The following ZCCHC17 variants were observed in gnomAD, a reference collection of about 807,000 sequenced individuals.
ZCCHC17 encodes zinc finger CCHC-type containing 17.
ZCCHC17 carries 18 observed loss-of-function variants against 30.6 expected under a neutral mutation model. The ratio of observed to expected loss-of-function variants is 0.59; its 90% confidence interval spans 0.41 to 0.87. The LOEUF (loss-of-function observed/expected upper bound fraction) is 0.87, where lower values mean the gene tolerates loss of function less well. Ranked by LOEUF, ZCCHC17 falls within the 40% of genes least tolerant of loss-of-function variation. The pLI is 0.00. For synonymous variants in ZCCHC17, 88 were observed against 92.4 expected, an observed-to-expected ratio of 0.95 and a Z score of 0.27; for missense variants, 263 against 284.2, an observed-to-expected ratio of 0.93 and a Z score of 0.54.
At chr1:31,308,880 A>G (rs1331433046) in intron 1 of ZCCHC17, among the ~76,000 whole-genome samples, 3 of 152,198 alleles carry the variant, frequency 2.0e-5, no homozygotes, top group Admixed American at 6.5e-5. Flanking sequence ...ACATCCAACA[A>G]TGGATTATTA....
At chr1:31,332,910 C>T (rs1638646306) in intron 3 of ZCCHC17, among the ~76,000 whole-genome samples, 1 of 152,122 alleles carries the variant, frequency 6.6e-6, no homozygotes, top group Admixed American at 6.5e-5. Flanking sequence ...GCATGAGCCA[C>T]CGCGCTTGGC....
chr1:31,329,528 T>G (rs1209114306), intron 3 of ZCCHC17, among the ~76,000 whole-genome samples: 1 of 152,150 alleles, frequency 6.6e-6, no homozygotes, highest in African/African-American at 2.4e-5. Context: ...TTAGCTTTTT[T>G]GGTGGGAACA....
At chr1:31,328,117 C>T (rs867716927) in intron 3 of ZCCHC17, among the ~76,000 whole-genome samples, 1 of 152,100 alleles carries the variant, frequency 6.6e-6, no homozygotes, top group South Asian at 2.1e-4. Flanking sequence ...GTTTTGCTGT[C>T]GAATTTCTAA....
intron 1 of ZCCHC17, among the ~76,000 whole-genome samples, chr1:31,297,621 C>A (rs1362205808): frequency 6.6e-6 from 1 of 152,206 alleles, no homozygotes; most frequent in Non-Finnish European, 1.5e-5. Flanking sequence ...ACGGTCCCTA[C>A]TCTCAGGGCG....
intron 7 of ZCCHC17, among the ~76,000 whole-genome samples, chr1:31,350,031 A>C (rs1639413785): frequency 6.6e-6 from 1 of 152,196 alleles, no homozygotes; most frequent in East Asian, 1.9e-4. Flanking sequence ...GTCTCACTGA[A>C]TTCCATCTCC....
chr1:31,312,732 T>G (rs1646634666), intron 2 of ZCCHC17, among the ~76,000 whole-genome samples: 1 of 152,178 alleles, frequency 6.6e-6, no homozygotes, highest in Non-Finnish European at 1.5e-5. Flanking sequence ...AAAAAATTGT[T>G]TTCAGTGTCT....
intron 2 of ZCCHC17, 128 bp from the exon 3 acceptor site, chr1:31,318,980 AT>A: frequency 9.3e-7 from 1 of 1,075,446 alleles, no homozygotes; most frequent in South Asian, 2.2e-5. Flanking sequence ...ACAGAGCATC[AT>A]TTTTAGGCAG....
intron 3 of ZCCHC17, among the ~76,000 whole-genome samples, chr1:31,334,638 A>G (rs927785784): frequency 6.6e-6 from 1 of 152,184 alleles, no homozygotes; most frequent in Non-Finnish European, 1.5e-5. Flanking sequence ...AAATGTTTTT[A>G]AAGCATTTGT....
intron 7 of ZCCHC17, among the ~76,000 whole-genome samples, chr1:31,360,459 G>A (rs1256915150): frequency 2.0e-5 from 3 of 152,332 alleles, no homozygotes; most frequent in East Asian, 1.9e-4. Context: ...GTGAGCCACC[G>A]CAACCAGGCG....
chr1:31,317,467 T>C (rs1646764183), intron 2 of ZCCHC17, among the ~76,000 whole-genome samples: 1 of 152,202 alleles, frequency 6.6e-6, no homozygotes, highest in African/African-American at 2.4e-5. Flanking sequence ...TCACTTTATG[T>C]ACATCATTTG....
intron 7 of ZCCHC17, among the ~76,000 whole-genome samples, chr1:31,349,264 A>G (rs983944310): frequency 6.6e-6 from 1 of 152,244 alleles, no homozygotes; most frequent in Non-Finnish European, 1.5e-5. Context: ...AATTTTAGAA[A>G]TACTGAAAAA....
chr1:31,308,621 AT>A (rs1343064783), intron 1 of ZCCHC17, among the ~76,000 whole-genome samples: 1 of 152,230 alleles, frequency 6.6e-6, no homozygotes, highest in African/African-American at 2.4e-5. Context: ...CTTGGCAGTG[AT>A]TTATCCAACA....
chr1:31,299,070 T>C (rs1381815207), intron 1 of ZCCHC17, among the ~76,000 whole-genome samples: 1 of 152,188 alleles, frequency 6.6e-6, no homozygotes, highest in Admixed American at 6.5e-5. Context: ...AAGAGTTATT[T>C]TGTTGGTGTG....
At chr1:31,347,099 G>T (rs1639303559) in intron 6 of ZCCHC17, among the ~76,000 whole-genome samples, 1 of 152,110 alleles carries the variant, frequency 6.6e-6, no homozygotes, top group Non-Finnish European at 1.5e-5. Flanking sequence ...CAAAAATTAA[G>T]CAACTTAGAC....
At chr1:31,359,354 TA>T (rs1437250546) in intron 7 of ZCCHC17, among the ~76,000 whole-genome samples, 1 of 150,248 alleles carries the variant, frequency 6.7e-6, no homozygotes, top group African/African-American at 2.4e-5. Flanking sequence ...CGACTCTAGT[TA>T]AAAAAAAATA....
chr1:31,327,908 G>A (rs986589557), intron 3 of ZCCHC17, among the ~76,000 whole-genome samples: 1 of 152,110 alleles, frequency 6.6e-6, no homozygotes, highest in Non-Finnish European at 1.5e-5. Context: ...TACTGTAATG[G>A]GATGATTAAT....
intron 3 of ZCCHC17, among the ~76,000 whole-genome samples, chr1:31,336,881 C>T (rs10914357): frequency 0.21 from 31,374 of 150,778 alleles, 3,627 homozygotes; most frequent in African/African-American, 0.3. Context: ...GGCATGTTTC[C>T]CAGGCTGGTC....
chr1:31,298,587 A>G (rs1646230449), intron 1 of ZCCHC17, among the ~76,000 whole-genome samples: 1 of 152,020 alleles, frequency 6.6e-6, no homozygotes, highest in African/African-American at 2.4e-5. Context: ...GTTCCACCAT[A>G]TTGGCCAGGC....
chr1:31,354,074 C>A (rs932443293), intron 7 of ZCCHC17, among the ~76,000 whole-genome samples: 4 of 152,190 alleles, frequency 2.6e-5, no homozygotes, highest in Admixed American at 6.5e-5. Flanking sequence ...ATCTTCCAAT[C>A]CATGAAAATT....
Sources: gnomAD v4.1 joint callset for allele counts (sites outside exome capture counted in the v4.1 genomes callset) on GRCh38, gnomAD v4.1.1 for gene constraint, MANE v1.5 for transcripts, NCBI Gene and HGNC (gene_info 2026-07-23, HGNC 2026-07-21) for gene names.